Variants in LSAMP observed in about 807,000 individuals in gnomAD.
The protein encoded by LSAMP is limbic system-associated membrane protein.
A neutral mutation model predicts 38.6 loss-of-function variants in LSAMP; 7 were observed. That is an observed-to-expected ratio of 0.18 (90% CI 0.10 to 0.34). LSAMP has a LOEUF of 0.34. LSAMP is among the 10% of genes least tolerant of loss of function. The probability of loss-of-function intolerance (pLI) is 1.00; values close to 1 mark genes in which losing one functional copy is unlikely to be tolerated. For synonymous variants in LSAMP, 154 were observed against 166.8 expected, an observed-to-expected ratio of 0.92 and a Z score of 0.59; for missense variants, 313 against 420.0, an observed-to-expected ratio of 0.75 and a Z score of 2.23.
chr3:116,201,860 C>T (rs2045991318), intron 1 of LSAMP, among the ~76,000 whole-genome samples: 1 of 152,150 alleles, frequency 6.6e-6, no homozygotes, highest in Non-Finnish European at 1.5e-5. Flanking sequence ...TTTATTCAGT[C>T]CTCTCAAGGA....
intron 1 of LSAMP, among the ~76,000 whole-genome samples, chr3:116,105,556 G>A (rs1405496585): frequency 1.3e-5 from 2 of 152,128 alleles, no homozygotes; most frequent in Non-Finnish European, 1.5e-5. Flanking sequence ...GGCAGGGGCG[G>A]GGGTCACAAG....
chr3:116,409,654 C>T (rs1050154354), intron 1 of LSAMP, among the ~76,000 whole-genome samples: 4 of 151,914 alleles, frequency 2.6e-5, no homozygotes, highest in Non-Finnish European at 4.4e-5. Context: ...TCCATATTAA[C>T]GTATAAATAC....
intron 3 of LSAMP, among the ~76,000 whole-genome samples, chr3:115,861,126 TTTCTTTCCTTCC>T (rs1363493284): frequency 0.083 from 7,051 of 84,584 alleles, 663 homozygotes; most frequent in Non-Finnish European, 0.1. Flanking sequence ...TCCTTCCTTC[TTTCTTTCCTTCC>T]TTCCTTCCTT....
At chr3:115,922,962 T>G (rs1299265851) in intron 3 of LSAMP, among the ~76,000 whole-genome samples, 9 of 152,216 alleles carry the variant, frequency 5.9e-5, no homozygotes, top group Admixed American at 5.9e-4. Flanking sequence ...TATGCTGACT[T>G]TCTGCCAGCA....
At chr3:116,179,551 C>G (rs9816326) in intron 1 of LSAMP, among the ~76,000 whole-genome samples, 75,973 of 151,920 alleles carry the variant, frequency 0.5, 21,486 homozygotes, top group East Asian at 0.74. Context: ...AGGAGCATAG[C>G]TGGGGAGGCC....
Position 116,445,319 on chromosome 3 carries a change from A to C in LSAMP, c.-288T>G. Reference sequence around the variant, plus strand: ...AAGCCCTCTGGAAGAGCTGAAGAGGAAGCCAAAGGAAAGGGTTCTTGTTTG... The same window carrying C: ...AAGCCCTCTGGAAGAGCTGAAGAGGCAGCCAAAGGAAAGGGTTCTTGTTTG... On this transcript the variant is annotated 5_prime_UTR_variant, in exon 1 of 7. Coordinates refer to ENST00000490035, the MANE Select transcript of LSAMP (RefSeq NM_002338.5). 1.8e-6 allele frequency: 1 copy of C among 562,992 alleles called. No homozygotes were observed. The highest frequency in any genetic ancestry group is 3.1e-6 in the Non-Finnish European group (1 of 320,506). The allele number at this position is 562,992 out of a possible 1,614,324, so 34.9% of individuals were successfully genotyped here.
chr3:116,418,538 C>T (rs968162756), intron 1 of LSAMP, among the ~76,000 whole-genome samples: 7 of 151,934 alleles, frequency 4.6e-5, no homozygotes, highest in Admixed American at 4.6e-4. Flanking sequence ...TCTAGCTTAT[C>T]CCTTCATGTC....
chr3:115,946,113 G>A (rs568652882), intron 3 of LSAMP, among the ~76,000 whole-genome samples: 1 of 152,182 alleles, frequency 6.6e-6, no homozygotes, highest in South Asian at 2.1e-4. Context: ...AAAGTAATTG[G>A]TATTACATTA....
intron 1 of LSAMP, among the ~76,000 whole-genome samples, chr3:116,353,119 G>A (rs1444102762): frequency 6.6e-6 from 1 of 152,064 alleles, no homozygotes; most frequent in Non-Finnish European, 1.5e-5. Context: ...TGGATAATCA[G>A]GGTGGTATGC....
chr3:116,435,456 T>G (rs547253634), intron 1 of LSAMP, among the ~76,000 whole-genome samples: 12 of 151,832 alleles, frequency 7.9e-5, no homozygotes, highest in African/African-American at 2.7e-4. Flanking sequence ...TTATTTCTCC[T>G]TATTCTGCTT....
chr3:116,164,743 C>CATATATATATATATATATATCCATAT lies in LSAMP; in HGVS notation c.156-78188_156-78187insATATGGATATATATATATATATATAT, dbSNP rs1329964354. Among the ~76,000 whole-genome samples the CATATATATATATATATATATCCATAT allele has an allele frequency of 1.4e-3, 66 of 48,442 alleles. 1 individual carries two copies. The highest frequency in any genetic ancestry group is 5.1e-3 in the African/African-American group (64 of 12,664). 31.8% of individuals were successfully genotyped at this position (48,442 alleles called of 152,430 possible). On this transcript the variant is annotated intron_variant, in intron 1 of 6. Coordinates refer to ENST00000490035, the MANE Select transcript of LSAMP (RefSeq NM_002338.5). ...TATATAATCCAAATATATATATATCCATATATATATATATATATTTTTTTT... is the reference window on the plus strand; with the variant it reads ...TATATAATCCAAATATATATATATCCATATATATATATATATATATCCATATATATATATATATATATATTTTTTTT...
chr3:115,850,906 A>C (rs1275012431), intron 4 of LSAMP, among the ~76,000 whole-genome samples: 1 of 152,228 alleles, frequency 6.6e-6, no homozygotes, highest in Non-Finnish European at 1.5e-5. Context: ...AGTAAGACTA[A>C]TGATGCTTAT....
intron 1 of LSAMP, among the ~76,000 whole-genome samples, chr3:116,240,103 TTGA>T (rs1282476702): frequency 1.3e-5 from 2 of 152,164 alleles, no homozygotes; most frequent in African/African-American, 4.8e-5. Flanking sequence ...AATTATACAA[TTGA>T]TGATTATTAT....
rs115656744 is a variant in LSAMP, at chr3:115,988,236, T to A, written c.514+31279A>T. Among the ~76,000 whole-genome samples, 600 of 152,278 alleles carry A rather than the reference T, an allele frequency of 3.9e-3. 4 individuals are homozygous for A. The highest frequency in any genetic ancestry group is 0.013 in the African/African-American group (548 of 41,570). ...ATGCTTCAGAACATTATATAAGTGA[T>A]GTATTTCCATTTTGATCTACTATAT... On this transcript the variant is annotated intron_variant, in intron 3 of 6. Transcript: ENST00000490035.
At chr3:115,847,418 T>C (rs972456050) in intron 4 of LSAMP, among the ~76,000 whole-genome samples, 6 of 152,172 alleles carry the variant, frequency 3.9e-5, no homozygotes, top group Admixed American at 6.5e-5. Flanking sequence ...CAATGTATAT[T>C]AAATAATGCC....
intron 3 of LSAMP, among the ~76,000 whole-genome samples, chr3:115,921,842 A>T (rs6805309): frequency 0.054 from 8,185 of 151,886 alleles, 742 homozygotes; most frequent in African/African-American, 0.19. Flanking sequence ...TACTGATAGG[A>T]TTTTTTTCTG....
chr3:116,266,210 C>T (rs2046889929), intron 1 of LSAMP, among the ~76,000 whole-genome samples: 1 of 152,164 alleles, frequency 6.6e-6, no homozygotes, highest in Non-Finnish European at 1.5e-5. Context: ...TTAATTATCA[C>T]ACCACGTAAC....
chr3:116,159,645 C>G (rs1327289625), intron 1 of LSAMP, among the ~76,000 whole-genome samples: 1 of 152,066 alleles, frequency 6.6e-6, no homozygotes, highest in Non-Finnish European at 1.5e-5. Context: ...TTATATACTG[C>G]TGGTGGGAGT....
rs1303346498 is a variant in LSAMP at position 116,387,763 on chromosome 3, T to C, written c.155+57114A>G. Among the ~76,000 whole-genome samples the C allele has an allele frequency of 3.9e-5, 6 of 152,116 alleles. No homozygotes were observed. In the East Asian group the frequency reaches 1.2e-3, roughly 29 times the overall value. The stretch of plus-strand genomic sequence containing the variant: ...GCCACATCATACATGCATATAGTTG[T>C]AGATACAGAAATAGCTATAGATTTG... On this transcript the variant is annotated intron_variant, in intron 1 of 6. Coordinates refer to ENST00000490035, the MANE Select transcript of LSAMP (RefSeq NM_002338.5).
Sources: allele counts gnomAD v4.1 joint callset (sites outside exome capture counted in the v4.1 genomes callset), GRCh38; gene constraint gnomAD v4.1.1; transcripts MANE v1.5; gene names NCBI Gene and HGNC (gene_info 2026-07-23, HGNC 2026-07-21).